Variants in RIMS1 observed in about 807,000 individuals in gnomAD.
The protein encoded by RIMS1 is regulating synaptic membrane exocytosis protein 1.
Under a neutral mutation model 214.1 loss-of-function variants are expected in RIMS1, and 83 were observed. That is an observed-to-expected ratio of 0.39 (90% confidence interval 0.32 to 0.47). The LOEUF is 0.47. Among genes scored for constraint, RIMS1 ranks in the 20% least tolerant of loss-of-function variants. RIMS1 has a pLI of 0.99. For synonymous variants in RIMS1, 793 were observed against 786.8 expected (o/e 1.01, Z -0.13); for missense variants, 2,050 against 2,161.8 (o/e 0.95, Z 1.03).
rs373280649 is a variant in RIMS1 at position 72,200,471 on chromosome 6, T to C, written c.1678+17322T>C. 5.9e-5 allele frequency among the ~76,000 whole-genome samples: 9 copies of C among 152,296 alleles called. No individual in the cohort carries two copies. In the East Asian group the frequency reaches 9.6e-4, roughly 16 times the overall value. Reference sequence around the variant, plus strand: ...CACTTCTTAACCTTCAATGAAAGGCTTTCTGTAGTTTCTTCTTTAATTACT... The same window carrying C: ...CACTTCTTAACCTTCAATGAAAGGCCTTCTGTAGTTTCTTCTTTAATTACT... On this transcript the variant is annotated intron_variant, in intron 6 of 33. Coordinates refer to ENST00000521978, the MANE Select transcript of RIMS1 (RefSeq NM_014989.7).
chr6:71,952,936 A>G (rs185155051), intron 1 of RIMS1, among the ~76,000 whole-genome samples: 44 of 151,244 alleles, frequency 2.9e-4, no homozygotes, highest in Admixed American at 6.6e-4. Context: ...GTCTCACAGT[A>G]ATGGCAGTCA....
At chr6:71,987,558 TACAA>T (rs1357451063) in intron 2 of RIMS1, among the ~76,000 whole-genome samples, 38 of 152,172 alleles carry the variant, frequency 2.5e-4, no homozygotes, top group African/African-American at 7.2e-4. Flanking sequence ...TTTGGGACGG[TACAA>T]ACATTCAGTT....
intron 2 of RIMS1, among the ~76,000 whole-genome samples, chr6:72,021,714 C>T (rs1814737873): frequency 6.6e-6 from 1 of 152,078 alleles, no homozygotes; most frequent in African/African-American, 2.4e-5. Flanking sequence ...GGTGCCTCAC[C>T]AGGTCCAGAG....
chr6:72,263,413 A>G, intron 19 of RIMS1: 1 of 978,210 alleles, frequency 1.0e-6, no homozygotes, highest in African/African-American at 1.7e-5. Context: ...CATTTTGTGG[A>G]TGTAGAAACA....
At position 72,047,997 on chromosome 6, in the gene RIMS1, AT is replaced by A. The variant is rs1417907997; in HGVS notation, c.246-48949del. Among the ~76,000 whole-genome samples the A allele has an allele frequency of 2.6e-5, 4 of 152,194 alleles. No homozygotes were observed. The East Asian group carries it at 7.7e-4, about 29-fold the overall frequency. ...AAAACAACTTATACATTCAAAAATTATTTGCGGAGTGCTTGGCACTTTTCTA... is the reference window on the plus strand; with the variant it reads ...AAAACAACTTATACATTCAAAAATTATTGCGGAGTGCTTGGCACTTTTCTA... On this transcript the variant is annotated intron_variant, in intron 2 of 33. Transcript: ENST00000521978.
At chr6:71,945,752 T>TG (rs1787618478) in intron 1 of RIMS1, among the ~76,000 whole-genome samples, 1 of 4,682 alleles carries the variant, frequency 2.1e-4, no homozygotes, top group East Asian at 0.17. Context: ...TGATGTAATC[T>TG]TTTTTTTTTT....
At chr6:71,979,101 T>G (rs1797848102) in intron 2 of RIMS1, among the ~76,000 whole-genome samples, 1 of 152,060 alleles carries the variant, frequency 6.6e-6, no homozygotes, top group African/African-American at 2.4e-5. Flanking sequence ...AATATTGTGT[T>G]TTTCTCTTTC....
chr6:72,030,341 A>G (rs1469316414), intron 2 of RIMS1, among the ~76,000 whole-genome samples: 1 of 152,180 alleles, frequency 6.6e-6, no homozygotes, highest in Non-Finnish European at 1.5e-5. Context: ...TCTATTAGTT[A>G]ATAAAGAGAC....
At chr6:72,255,109 T>C (rs1188261580) in intron 16 of RIMS1, among the ~76,000 whole-genome samples, 1 of 152,176 alleles carries the variant, frequency 6.6e-6, no homozygotes, top group East Asian at 1.9e-4. Context: ...GTAGTATTTG[T>C]ATGGCAAATA....
rs776937471 is a variant in RIMS1 at position 72,274,337 on chromosome 6, C to T, written c.3399-12C>T. Reference sequence around the variant, plus strand: ...GTCCTGTTTTTTCCTGTCTTGTTCACTGGGCAAACAGGGGTAGATGGTCCC... The same window carrying T: ...GTCCTGTTTTTTCCTGTCTTGTTCATTGGGCAAACAGGGGTAGATGGTCCC... On this transcript the variant is annotated splice_polypyrimidine_tract_variant and intron_variant, in intron 22 of 33. Transcript: ENST00000521978. The T allele has an allele frequency of 6.3e-7, 1 of 1,597,450 alleles. No individual in the cohort carries two copies. Among genetic ancestry groups the T allele is most frequent in the Non-Finnish European group, 8.6e-7 (1 of 1,166,276 alleles).
At chr6:71,966,774 C>T (rs1794571605) in intron 1 of RIMS1, among the ~76,000 whole-genome samples, 1 of 152,148 alleles carries the variant, frequency 6.6e-6, no homozygotes, top group Non-Finnish European at 1.5e-5. Flanking sequence ...CCACTGGCCT[C>T]AGCCTTCCGA....
chr6:71,974,191 C>T (rs892313668), intron 2 of RIMS1, among the ~76,000 whole-genome samples: 2 of 151,924 alleles, frequency 1.3e-5, no homozygotes, highest in East Asian at 1.9e-4. Flanking sequence ...GGTATGAGAA[C>T]GTTCAATTTA....
chr6:71,990,755 C>T (rs1801352881), intron 2 of RIMS1, among the ~76,000 whole-genome samples: 1 of 151,990 alleles, frequency 6.6e-6, no homozygotes, highest in African/African-American at 2.4e-5. Flanking sequence ...AGGAACGTGT[C>T]CCTGGAACAC....
At chr6:72,265,644 G>C (rs2080188705) in intron 21 of RIMS1, 141 bp downstream of exon 21, 3 of 559,150 alleles carry the variant, frequency 5.4e-6, no homozygotes, top group Admixed American at 3.5e-5. Flanking sequence ...TGAAATTTTA[G>C]GCATTTTGTT....
intron 4 of RIMS1, among the ~76,000 whole-genome samples, chr6:72,128,406 T>A (rs990274316): frequency 3.3e-5 from 5 of 151,320 alleles, no homozygotes; most frequent in East Asian, 1.9e-4. Flanking sequence ...TGTCCTTTTT[T>A]AAAAAAAAAT....
chr6:71,920,546 C>T (rs1582652554), intron 1 of RIMS1, among the ~76,000 whole-genome samples: 1 of 152,076 alleles, frequency 6.6e-6, no homozygotes, highest in Non-Finnish European at 1.5e-5. Context: ...ATTAAATGAA[C>T]AAACTCTTGG....
At chr6:72,275,110 C>A (rs2085498857) in intron 23 of RIMS1, among the ~76,000 whole-genome samples, 1 of 111,658 alleles carries the variant, frequency 9.0e-6, no homozygotes, top group Non-Finnish European at 1.8e-5. Flanking sequence ...CCCAGTTTTC[C>A]TATTTTATGG....
intron 6 of RIMS1, among the ~76,000 whole-genome samples, chr6:72,192,400 G>A (rs2050214063): frequency 6.6e-6 from 1 of 152,228 alleles, no homozygotes; most frequent in South Asian, 2.1e-4. Context: ...CGATAGTGTA[G>A]TGGGGTCCTT....
At chr6:72,042,265 C>A (rs980520387) in intron 2 of RIMS1, among the ~76,000 whole-genome samples, 2 of 151,756 alleles carry the variant, frequency 1.3e-5, no homozygotes, top group Non-Finnish European at 3.0e-5. Flanking sequence ...AGAGAAGAAA[C>A]CCTGCTGATC....
Sources: allele counts gnomAD v4.1 joint callset (sites outside exome capture counted in the v4.1 genomes callset), GRCh38; gene constraint gnomAD v4.1.1; transcripts MANE v1.5; gene names NCBI Gene and HGNC (gene_info 2026-07-23, HGNC 2026-07-21).